Variants in CUL9 observed in about 807,000 individuals in gnomAD.
The protein encoded by CUL9 is cullin-9.
CUL9 carries 79 observed loss-of-function variants against 272.6 expected under a neutral mutation model. The ratio of observed to expected loss-of-function variants is 0.29; its 90% CI spans 0.24 to 0.35. CUL9 has a LOEUF of 0.35. CUL9 is among the 10% of genes least tolerant of loss of function. The pLI is 1.00. For synonymous variants in CUL9, 1,186 were observed against 1,286.5 expected (o/e 0.92, Z 1.67); for missense variants, 2,532 against 3,255.6 (o/e 0.78, Z 5.41).
At chr6:43,210,103 C>T (rs1276680659) in intron 26 of CUL9, among the ~76,000 whole-genome samples, 2 of 152,026 alleles carry the variant, frequency 1.3e-5, no homozygotes, top group African/African-American at 2.4e-5. Context: ...CTCAGCCTCC[C>T]GAGTAGCTGG....
At chr6:43,214,021 C>A in intron 29 of CUL9, 109 bp downstream of exon 29, 1 of 1,121,758 alleles carries the variant, frequency 8.9e-7, no homozygotes, top group East Asian at 2.4e-5. Flanking sequence ...GGTGACATTT[C>A]CATCTGGGTT....
intron 8 of CUL9, among the ~76,000 whole-genome samples, chr6:43,191,284 G>A (rs1773449723): frequency 6.8e-6 from 1 of 148,094 alleles, no homozygotes; most frequent in South Asian, 2.1e-4. Flanking sequence ...GTGTGTGTGT[G>A]TGTGTGTGCG....
At chr6:43,188,817 G>A (rs930076539) in intron 8 of CUL9, 102 bp downstream of exon 8, 7 of 1,009,006 alleles carry the variant, frequency 6.9e-6, no homozygotes, top group South Asian at 3.3e-5. Flanking sequence ...AAAGCTTGGG[G>A]TGAGGGAAGG....
At chr6:43,194,812 T>C (rs917330148) in intron 9 of CUL9, among the ~76,000 whole-genome samples, 4 of 152,084 alleles carry the variant, frequency 2.6e-5, no homozygotes, top group African/African-American at 9.7e-5. Context: ...TCCCAGCACT[T>C]TGGGAGACCA....
chr6:43,184,249 T>G lies in CUL9; in HGVS notation c.-9-53T>G. On this transcript the variant is annotated intron_variant, in intron 1 of 40. Coordinates refer to ENST00000252050, the MANE Select transcript of CUL9 (RefSeq NM_015089.4). This position sits in a 1 kb window ranked among gnomAD's most constrained non-coding sequence, Gnocchi z 4.8. ...GTGTCTCAAGATTCCACCCCCTCCA[T>G]GTATTTTTTTTCTTTTCTCATACTG... 17 of 1,266,888 alleles carry G rather than the reference T, an allele frequency of 1.3e-5. No homozygotes were observed. Among genetic ancestry groups the G allele is most frequent in the South Asian group, 2.0e-5 (1 of 50,814 alleles). 78.5% of individuals were successfully genotyped at this position (1,266,888 alleles called of 1,614,324 possible).
chr6:43,185,607 T>G lies in CUL9; in HGVS notation c.747T>G (p.Pro249=). 1 of 1,611,128 alleles carries G rather than the reference T, an allele frequency of 6.2e-7. No homozygotes were observed. Among genetic ancestry groups the G allele is most frequent in the Non-Finnish European group, 8.5e-7 (1 of 1,179,668 alleles). Residue 249 remains proline (P), a synonymous_variant, in exon 3 of 41, where the codon CCT becomes CCG. Coordinates refer to ENST00000252050, the MANE Select transcript of CUL9 (RefSeq NM_015089.4). ...TGGCCTTTGAGGGCATTCATCTGCCTCAGGTACACTGCCAGCTGTAGGGAA... is the reference window on the plus strand; with the variant it reads ...TGGCCTTTGAGGGCATTCATCTGCCGCAGGTACACTGCCAGCTGTAGGGAA... ...HCMAFEGIHL[P]QIPGKLLFSL...
chr6:43,220,574 TCTC>T lies in CUL9; in HGVS notation c.6402_6404del (p.Ser2135del). Reference sequence around the variant, plus strand: ...ACCGGAGCCTTCATTCGTGCCATCGTCTCCTCGCCAGAGGTCATCTCCAAGGTA... The same window carrying T: ...ACCGGAGCCTTCATTCGTGCCATCGTCTCGCCAGAGGTCATCTCCAAGGTA... On this transcript the variant is annotated inframe_deletion, in exon 32 of 41. Transcript: ENST00000252050. This position sits in a 1 kb window ranked among gnomAD's most constrained non-coding sequence, Gnocchi z 4.9. The T allele has an allele frequency of 6.2e-7, 1 of 1,614,018 alleles. No individual in the cohort carries two copies.
chr6:43,185,716 T>C, intron 3 of CUL9, 106 bp downstream of exon 3: 1 of 1,363,538 alleles, frequency 7.3e-7, no homozygotes. Context: ...TGGGAACTTG[T>C]TAACATGAAG....
rs375828732 is a variant in CUL9, at chr6:43,200,818, C to T, written c.3631C>T (p.Arg1211Cys). 8.7e-6 allele frequency: 14 copies of T among 1,614,100 alleles called. No individual in the cohort carries two copies. The highest frequency in any genetic ancestry group is 1.6e-4 in the Middle Eastern group (1 of 6,084). ...CCACTACATCACCCTGCACATGCACCGTGGTGTTCTTGTTAGGTGTGAACA... is the reference window on the plus strand; with the variant it reads ...CCACTACATCACCCTGCACATGCACTGTGGTGTTCTTGTTAGGTGTGAACA... ...GSHYITLHMHRGVLVRQLTLL... is the reference protein window; with the variant it reads ...GSHYITLHMHCGVLVRQLTLL... Residue 1211 changes from arginine (R) to cysteine (C), a missense_variant, in exon 16 of 41, where the codon CGT becomes TGT. Transcript: ENST00000252050. This position sits in a 1 kb window ranked among gnomAD's most constrained non-coding sequence, Gnocchi z 4.0.
At position 43,201,461 on chromosome 6, in the gene CUL9, C is replaced by T. The variant is rs143938237; in HGVS notation, c.3647+627C>T. On this transcript the variant is annotated intron_variant, in intron 16 of 40. Coordinates refer to ENST00000252050, the MANE Select transcript of CUL9 (RefSeq NM_015089.4). The stretch of plus-strand genomic sequence containing the variant: ...CATCATATTTGGTTACAATTGAAAG[C>T]TGTGTATATCTTTATTTTTATTTTT... 2.2e-3 allele frequency among the ~76,000 whole-genome samples: 330 copies of T among 152,200 alleles called. 1 individual carries two copies. Among genetic ancestry groups the T allele is most frequent in the African/African-American group, 7.3e-3 (303 of 41,554 alleles).
chr6:43,198,990 G>C, intron 12 of CUL9, 135 bp downstream of exon 12: 1 of 1,187,624 alleles, frequency 8.4e-7, no homozygotes, highest in Non-Finnish European at 1.2e-6. Context: ...AGGCTGGAGT[G>C]CAATGGCACG....
At position 43,184,453 on chromosome 6, in the gene CUL9, G is replaced by A; in HGVS notation, c.143G>A (p.Gly48Glu). 1.2e-6 allele frequency: 2 copies of A among 1,613,870 alleles called. No individual in the cohort carries two copies. The highest frequency in any genetic ancestry group is 1.7e-6 in the Non-Finnish European group (2 of 1,179,902). ...ATCCGATGGAGTGTCCTGAAGTGTG[G>A]GGAAGTGGGCAAAGTGGGTGTGGAA... Reference protein sequence around the residue: ...YLIRWSVLKCGEVGKVGVEEG... With the variant: ...YLIRWSVLKCEEVGKVGVEEG... The change falls in exon 2 of 41, where the codon GGG (glycine) becomes GAG (glutamate). Residue 48 changes from glycine to glutamate, a missense_variant. Gly to Glu is a moderately conservative substitution (Grantham distance 98, BLOSUM62 -2). This residue lies in a region of CUL9 where 2,218 missense variants were observed against 2,788.6 expected (regional missense o/e 0.80). Coordinates refer to ENST00000252050, the MANE Select transcript of CUL9 (RefSeq NM_015089.4). The surrounding 1 kb of genome is among the most constrained non-coding windows in gnomAD (Gnocchi z 4.8).
At chr6:43,192,931 C>G (rs548741422) in intron 8 of CUL9, 70 bp from the exon 9 acceptor site, 1 of 1,401,018 alleles carries the variant, frequency 7.1e-7, no homozygotes, top group African/African-American at 1.4e-5. Context: ...GGGAGTCCGA[C>G]GGTGCCATGG....
intron 9 of CUL9, 146 bp from the exon 10 acceptor site, chr6:43,195,923 C>G: frequency 1.7e-6 from 1 of 588,404 alleles, no homozygotes. Flanking sequence ...TTTGATGTCC[C>G]ATCACTACCT....
Position 43,184,449 on chromosome 6 carries a change from T to C in CUL9, c.139T>C (p.Cys47Arg). Reference protein sequence around the residue: ...EYLIRWSVLKCGEVGKVGVEE... With the variant: ...EYLIRWSVLKRGEVGKVGVEE... ...CCTGATCCGATGGAGTGTCCTGAAG[T>C]GTGGGGAAGTGGGCAAAGTGGGTGT... The change falls in exon 2 of 41, where the codon TGT becomes CGT. Residue 47 changes from cysteine to arginine, a missense_variant. Physicochemically the swap from Cys to Arg is radical, Grantham distance 180. This residue lies in a region of CUL9 where 2,218 missense variants were observed against 2,788.6 expected (regional missense o/e 0.80). Coordinates refer to ENST00000252050, the MANE Select transcript of CUL9 (RefSeq NM_015089.4). The surrounding 1 kb of genome is among the most constrained non-coding windows in gnomAD (Gnocchi z 4.8). The C allele has an allele frequency of 6.2e-7, 1 of 1,613,318 alleles. No individual in the cohort carries two copies. Among genetic ancestry groups the C allele is most frequent in the South Asian group, 1.1e-5 (1 of 91,026 alleles).
chr6:43,184,739 T>C lies in CUL9; in HGVS notation c.429T>C (p.Leu143=), dbSNP rs549976266. ...SGTPSLTAAV[L]HTIHVLSAYA... ...CCCCAAGCCTCACGGCCGCTGTGCT[T>C]CACACCATCCACGTGCTCAGTGCCT... is the stretch of plus-strand genomic sequence containing the variant. Residue 143 remains leucine, a synonymous_variant, in exon 2 of 41, where the codon CTT becomes CTC. Transcript: ENST00000252050. The surrounding 1 kb of genome is among the most constrained non-coding windows in gnomAD (Gnocchi z 4.8). The C allele has an allele frequency of 4.0e-5, 64 of 1,614,070 alleles. No homozygotes were observed. Among genetic ancestry groups the C allele is most frequent in the Non-Finnish European group, 4.9e-5 (58 of 1,180,048 alleles).
chr6:43,185,041 T>C, intron 2 of CUL9, 136 bp downstream of exon 2: 1 of 704,780 alleles, frequency 1.4e-6, no homozygotes, highest in Non-Finnish European at 2.3e-6. Context: ...GGAAAAAATA[T>C]AGATTAATAG....
intron 2 of CUL9, 133 bp from the exon 3 acceptor site, chr6:43,185,323 G>A (rs1253274729): frequency 1.1e-6 from 1 of 875,148 alleles, no homozygotes; most frequent in Non-Finnish European, 1.7e-6. Context: ...AGGTTACCAT[G>A]TAAAATGTAT....
chr6:43,197,742 A>C (rs939347895), intron 11 of CUL9, among the ~76,000 whole-genome samples: 4 of 152,080 alleles, frequency 2.6e-5, no homozygotes, highest in African/African-American at 9.7e-5. Flanking sequence ...TTGGCCTCCC[A>C]AAGTGCTGGG....
Sources: allele counts gnomAD v4.1 joint callset (sites outside exome capture counted in the v4.1 genomes callset), GRCh38; gene constraint gnomAD v4.1.1; regional missense constraint gnomAD v4.1.1; non-coding constraint Gnocchi (gnomAD v3.1); transcripts MANE v1.5; gene names NCBI Gene and HGNC (gene_info 2026-07-23, HGNC 2026-07-21).